AKAP17A: variants seen among roughly 807,000 people sequenced by gnomAD.
The protein encoded by AKAP17A is A-kinase anchor protein 17A.
A neutral mutation model predicts 52.2 loss-of-function variants in AKAP17A; 15 were observed. The observed-to-expected ratio is 0.29, with a 90% CI of 0.19 to 0.44. The LOEUF is 0.44. AKAP17A is among the 20% of genes least tolerant of loss of function. The pLI, the probability that AKAP17A is intolerant of heterozygous loss-of-function variation, is 1.00. For synonymous variants in AKAP17A, 514 were observed against 424.7 expected, an observed-to-expected ratio of 1.21 and a Z score of -2.58; for missense variants, 1,060 against 1,007.0, an observed-to-expected ratio of 1.05 and a Z score of -0.71.
intron 2 of AKAP17A, 114 bp from the exon 3 acceptor site, chrX:1,595,267 GTGA>G: frequency 7.4e-7 from 1 of 1,359,978 alleles, no homozygotes; most frequent in Non-Finnish European, 1.0e-6. Context: ...GCGGTGAGCG[GTGA>G]GCGGGCGCTC....
intron 4 of AKAP17A, 42 bp from the exon 5 acceptor site, chrX:1,600,617 G>T (rs1242836912): frequency 2.0e-6 from 3 of 1,487,490 alleles, no homozygotes. Flanking sequence ...GTCCGGCCAG[G>T]CTCAGGAACC....
At chrX:1,599,632 G>A (rs1451122321) in intron 4 of AKAP17A, 200 bp downstream of exon 4, 30 of 822,892 alleles carry the variant, frequency 3.6e-5, no homozygotes, top group African/African-American at 2.1e-4. Flanking sequence ...TTTCAGAGCT[G>A]TGACGGTTTC....
rs1445829964 is a variant in AKAP17A at position 1,599,324 on chromosome X, G to C, written c.1044G>C (p.Glu348Asp). The change falls in exon 4 of 5, where the codon GAG (glutamate) becomes GAC (aspartate). Residue 348 changes from glutamate (E) to aspartate (D), a missense_variant. Coordinates refer to ENST00000313871, the MANE Select transcript of AKAP17A (RefSeq NM_005088.3). ...AGCTGGAGAAGCTGCAGGCGGAGGA[G>C]CAGAAGCAGCTGCAGGAGAAGATCA... is the stretch of plus-strand genomic sequence containing the variant. ...QKKLEKLQAEEQKQLQEKIKL... is the reference protein window; with the variant it reads ...QKKLEKLQAEDQKQLQEKIKL... 1.2e-6 allele frequency: 2 copies of C among 1,605,842 alleles called. No homozygotes were observed. The highest frequency in any genetic ancestry group is 1.3e-5 in the African/African-American group (1 of 74,844).
rs1196323923 is a variant in AKAP17A at position 1,601,138 on chromosome X, C to T, written c.1632C>T (p.Gly544=). Residue 544 remains glycine, a synonymous_variant, in exon 5 of 5, where the codon GGC becomes GGT. Transcript: ENST00000313871. ...EDGSPEKRCP[G]GVLSCIPDNN... ...GCTCTCCAGAGAAGAGGTGCCCGGG[C>T]GGCGTCCTCTCCTGCATTCCTGACA... 9.9e-6 allele frequency: 16 copies of T among 1,613,752 alleles called. No individual in the cohort carries two copies. The highest frequency in any genetic ancestry group is 5.3e-5 in the African/African-American group (4 of 74,922).
Position 1,594,238 on chromosome X carries a change from A to C in AKAP17A, c.762+14A>C. 6.6e-7 allele frequency: 1 copy of C among 1,507,054 alleles called. No homozygotes were observed. The highest frequency in any genetic ancestry group is 8.9e-7 in the Non-Finnish European group (1 of 1,128,864). The allele number at this position is 1,507,054 out of a possible 1,614,324, so 93.4% of individuals were successfully genotyped here. ...TGCAACATCAAGGTGAGTCCTGGGC[A>C]CCGAGAGAGCCACGCGCTTCCTCCC... On this transcript the variant is annotated intron_variant, in intron 2 of 4. Transcript: ENST00000313871.
In AKAP17A at chrX:1,600,939, G is replaced by T; in HGVS notation, c.1433G>T (p.Cys478Phe). 1 of 1,579,844 alleles carries T rather than the reference G, an allele frequency of 6.3e-7. No homozygotes were observed. Among genetic ancestry groups the T allele is most frequent in the Non-Finnish European group, 8.6e-7 (1 of 1,165,888 alleles). ...LDILQTVSSG[C>F]VSATTLHPLG... ...ATCCTGCAGACCGTGTCGTCCGGCT[G>T]TGTGAGCGCCACCACGCTGCACCCC... is the stretch of plus-strand genomic sequence containing the variant. Residue 478 changes from cysteine (C) to phenylalanine (F), a missense_variant, in exon 5 of 5, where the codon TGT (cysteine) becomes TTT (phenylalanine). Coordinates refer to ENST00000313871, the MANE Select transcript of AKAP17A (RefSeq NM_005088.3).
intron 3 of AKAP17A, 72 bp from the exon 4 acceptor site, chrX:1,599,120 A>G: frequency 6.4e-7 from 1 of 1,566,320 alleles, no homozygotes; most frequent in Non-Finnish European, 8.6e-7. Flanking sequence ...CGTGTTTGGA[A>G]AGCCGCTTGT....
At chrX:1,594,908 C>T (rs1480316969) in intron 2 of AKAP17A, among the ~76,000 whole-genome samples, 6 of 152,228 alleles carry the variant, frequency 3.9e-5, no homozygotes, top group South Asian at 2.1e-4. Flanking sequence ...TGAGCCACTG[C>T]GCTCAGCCTA....
At position 1,600,661 on chromosome X, in the gene AKAP17A, T is replaced by C. The variant is rs1401269848; in HGVS notation, c.1155T>C (p.Ala385=). ...LIAELLSRAK[A]VKLREQEQKE... ...CTGCACTTTCCTCTTCCCCGCAGGC[T>C]GTGAAGCTACGGGAACAGGAGCAGA... is the stretch of plus-strand genomic sequence containing the variant. The change falls in exon 5 of 5, where the codon GCT becomes GCC. Residue 385 remains alanine, a splice_region_variant and synonymous_variant. Transcript: ENST00000313871. 3.3e-6 allele frequency: 5 copies of C among 1,537,230 alleles called. No homozygotes were observed. The highest frequency in any genetic ancestry group is 1.2e-5 in the South Asian group (1 of 83,462).
At chrX:1,599,734 G>A (rs1339074275) in intron 4 of AKAP17A, 2 of 621,616 alleles carry the variant, frequency 3.2e-6, no homozygotes, top group Non-Finnish European at 5.8e-6. Flanking sequence ...TTGGGTCGGG[G>A]CAGTGGCAGA....
intron 3 of AKAP17A, among the ~76,000 whole-genome samples, chrX:1,595,996 C>T (rs1381574707): frequency 9.9e-5 from 15 of 152,200 alleles, no homozygotes; most frequent in South Asian, 2.1e-4. Context: ...CTGTTTGAGA[C>T]GCAGCAGAAT....
rs1352490718 is a variant in AKAP17A at position 1,599,400 on chromosome X, C to T, written c.1120C>T (p.Arg374Trp). 3.9e-5 allele frequency: 62 copies of T among 1,571,588 alleles called. No homozygotes were observed. The highest frequency in any genetic ancestry group is 5.2e-5 in the Non-Finnish European group (60 of 1,159,728). ...GGCCCAGAGGAACCTGCAGTCCATCCGGCTCATCGCCGAGCTGCTCAGCAG... is the reference window on the plus strand; with the variant it reads ...GGCCCAGAGGAACCTGCAGTCCATCTGGCTCATCGCCGAGCTGCTCAGCAG... ...LLAQRNLQSIRLIAELLSRAK... is the reference protein window; with the variant it reads ...LLAQRNLQSIWLIAELLSRAK... Residue 374 changes from arginine (R) to tryptophan (W), a missense_variant, in exon 4 of 5, where the codon CGG becomes TGG. By Grantham distance (101) the Arg-to-Trp change is moderately radical. Around this residue, in one of 2 missense-constraint regions of AKAP17A, gnomAD observed 793 missense variants for 629.9 expected, o/e 1.26. Transcript: ENST00000313871.
At chrX:1,592,178 G>C (rs1487831358) in intron 1 of AKAP17A, among the ~76,000 whole-genome samples, 3 of 151,886 alleles carry the variant, frequency 2.0e-5, no homozygotes, top group Non-Finnish European at 2.9e-5. Flanking sequence ...GGGCTGTCCG[G>C]GGTTTTCGGA....
intron 3 of AKAP17A, among the ~76,000 whole-genome samples, chrX:1,598,441 C>T (rs1425486638): frequency 5.3e-5 from 8 of 152,040 alleles, no homozygotes; most frequent in South Asian, 4.1e-4. Context: ...AGGCGGTTGG[C>T]GGCGCCCACC....
chrX:1,593,695 G>A lies in AKAP17A; in HGVS notation c.233G>A (p.Arg78His), dbSNP rs777749470. 1.9e-6 allele frequency: 3 copies of A among 1,613,836 alleles called. No homozygotes were observed. The highest frequency in any genetic ancestry group is 1.7e-6 in the Non-Finnish European group (2 of 1,179,878). The stretch of plus-strand genomic sequence containing the variant: ...TCCAAGAGCACCATGGACTTCATCC[G>A]CTTCGAGGGGGAGGTGGAGAACAAG... ...RISKSTMDFI[R>H]FEGEVENKSL... is the part of the protein sequence containing the mutation. The change falls in exon 2 of 5, where the codon CGC becomes CAC. Residue 78 changes from arginine to histidine, a missense_variant. Arg to His is a conservative substitution (Grantham distance 29). Transcript: ENST00000313871.
Position 1,599,227 on chromosome X carries a change from G to C in AKAP17A, c.947G>C (p.Arg316Thr), listed in dbSNP as rs751607558. 28 of 1,612,426 alleles carry C rather than the reference G, an allele frequency of 1.7e-5. No individual in the cohort carries two copies. Among genetic ancestry groups the C allele is most frequent in the Non-Finnish European group, 2.0e-5 (24 of 1,179,860 alleles). The change falls in exon 4 of 5, where the codon AGG becomes ACG. Residue 316 changes from arginine (R) to threonine (T), a missense_variant. Arg to Thr is a moderately conservative substitution (Grantham distance 71). Around this residue, in one of 2 missense-constraint regions of AKAP17A, gnomAD observed 793 missense variants for 629.9 expected, o/e 1.26. Transcript: ENST00000313871. The stretch of plus-strand genomic sequence containing the variant: ...GAGCTGGAAGAGCTGGAGCGAGAGA[G>C]GAAAAGAGAAGAGAAGCTTCGCAAG... Reference protein sequence around the residue: ...QKELEELERERKREEKLRKRE... With the variant: ...QKELEELERETKREEKLRKRE...
rs182639110 is a variant in AKAP17A at position 1,596,386 on chromosome X, G to A, written c.911+854G>A. On this transcript the variant is annotated intron_variant, in intron 3 of 4. Coordinates refer to ENST00000313871, the MANE Select transcript of AKAP17A (RefSeq NM_005088.3). ...CCCTTTTATCTTCTTAGCATTGCAG[G>A]AGGGAACCAACAACTTTCTGTGAAT... Among the ~76,000 whole-genome samples, 9 of 152,072 alleles carry A rather than the reference G, an allele frequency of 5.9e-5. No homozygotes were observed. The East Asian group carries it at 1.5e-3, about 26-fold the overall frequency.
Position 1,593,521 on chromosome X carries a change from A to T in AKAP17A, c.59A>T (p.Tyr20Phe), listed in dbSNP as rs764359243. Residue 20 changes from tyrosine (Y) to phenylalanine (F), a missense_variant, in exon 2 of 5, where the codon TAC (tyrosine) becomes TTC (phenylalanine). Coordinates refer to ENST00000313871, the MANE Select transcript of AKAP17A (RefSeq NM_005088.3). The part of the protein sequence containing the change: ...TSEAVELCPA[Y>F]GLYLKPITKM... Reference sequence around the variant, plus strand: ...GAGGCCGTGGAGCTCTGCCCTGCTTACGGCTTGTACCTGAAGCCCATCACC... The same window carrying T: ...GAGGCCGTGGAGCTCTGCCCTGCTTTCGGCTTGTACCTGAAGCCCATCACC... 6.2e-7 allele frequency: 1 copy of T among 1,613,660 alleles called. No individual in the cohort carries two copies. Among genetic ancestry groups the T allele is most frequent in the South Asian group, 1.1e-5 (1 of 91,082 alleles).
chrX:1,593,774 C>T lies in AKAP17A; in HGVS notation c.312C>T (p.Ser104=), dbSNP rs770114594. ...TGGACGGCAAGACCATCAAGCTCAGCGGCTTCTCCGACATCCTGAAGGTGC... is the reference window on the plus strand; with the variant it reads ...TGGACGGCAAGACCATCAAGCTCAGTGGCTTCTCCGACATCCTGAAGGTGC... ...ACLDGKTIKL[S]GFSDILKVRA... Residue 104 remains serine, a synonymous_variant, in exon 2 of 5, where the codon AGC becomes AGT. Transcript: ENST00000313871. 6.2e-6 allele frequency: 10 copies of T among 1,613,666 alleles called. No individual in the cohort carries two copies. The highest frequency in any genetic ancestry group is 2.7e-5 in the African/African-American group (2 of 74,922).
Sources: gnomAD v4.1 joint callset for allele counts (sites outside exome capture counted in the v4.1 genomes callset) on GRCh38, gnomAD v4.1.1 for gene constraint, gnomAD v4.1.1 regional missense constraint, MANE v1.5 for transcripts, NCBI Gene and HGNC (gene_info 2026-07-23, HGNC 2026-07-21) for gene names.